Variants in TMEM131 observed in about 807,000 individuals in gnomAD.
TMEM131 encodes the protein 2610524E03Rik.
TMEM131 carries 66 observed loss-of-function variants against 211.6 expected under a neutral mutation model. That is an observed-to-expected ratio of 0.31 (90% confidence interval 0.26 to 0.38). The LOEUF is 0.38. Ranked by LOEUF, TMEM131 falls within the 10% of genes least tolerant of loss-of-function variation. The pLI is 1.00. For synonymous variants in TMEM131, 844 were observed against 841.3 expected, an observed-to-expected ratio of 1.00 and a Z score of -0.06; for missense variants, 2,036 against 2,299.3, an observed-to-expected ratio of 0.89 and a Z score of 2.34.
intron 3 of TMEM131, among the ~76,000 whole-genome samples, chr2:97,907,940 T>A (rs1000506867): frequency 6.6e-6 from 1 of 152,134 alleles, no homozygotes; most frequent in African/African-American, 2.4e-5. Flanking sequence ...TCTATGGTCC[T>A]CCGGGGAGCA....
intron 4 of TMEM131, among the ~76,000 whole-genome samples, chr2:97,869,384 A>T (rs1463420088): frequency 6.6e-6 from 1 of 152,202 alleles, no homozygotes; most frequent in Non-Finnish European, 1.5e-5. Flanking sequence ...AGAATGCTTG[A>T]TCTGCAATGC....
At chr2:97,910,892 C>G (rs764289516) in intron 2 of TMEM131, among the ~76,000 whole-genome samples, 3 of 152,058 alleles carry the variant, frequency 2.0e-5, no homozygotes, top group Non-Finnish European at 4.4e-5. Context: ...TAAACATACA[C>G]CTACCATATG....
At position 97,818,651 on chromosome 2, in the gene TMEM131, T is replaced by C; in HGVS notation, c.1145A>G (p.Glu382Gly). 2 of 1,608,396 alleles carry C rather than the reference T, an allele frequency of 1.2e-6. No individual in the cohort carries two copies. Among genetic ancestry groups the C allele is most frequent in the Non-Finnish European group, 1.7e-6 (2 of 1,176,674 alleles). Residue 382 changes from glutamate to glycine, a missense_variant, in exon 12 of 41, where the codon GAA (glutamate) becomes GGA (glycine). This residue lies in a region of TMEM131 where 277 missense variants were observed against 378.0 expected (regional missense o/e 0.73). Transcript: ENST00000186436. ...GCTTGCAACCTTGGTGTATTTACTT[T>C]CTGATGCTTTTAATGTAATTGGTTT... Reference protein sequence around the residue: ...HFKPITLKASESKYTKVASIS... With the variant: ...HFKPITLKASGSKYTKVASIS...
chr2:97,805,818 T>G (rs1217187752), intron 19 of TMEM131, 115 bp from the exon 20 acceptor site: 1 of 973,856 alleles, frequency 1.0e-6, no homozygotes, highest in Admixed American at 3.2e-5. Context: ...AAAGACATCT[T>G]AGAATGTTCA....
At chr2:97,842,352 A>C (rs1431549929) in intron 6 of TMEM131, among the ~76,000 whole-genome samples, 1 of 152,210 alleles carries the variant, frequency 6.6e-6, no homozygotes, top group African/African-American at 2.4e-5. Context: ...TAAACCAGTA[A>C]TTCAAATGAT....
Position 97,837,081 on chromosome 2 carries a change from A to G in TMEM131, c.800T>C (p.Leu267Pro). The G allele has an allele frequency of 6.2e-7, 1 of 1,612,756 alleles. No homozygotes were observed. The highest frequency in any genetic ancestry group is 8.5e-7 in the Non-Finnish European group (1 of 1,179,292). The change falls in exon 8 of 41, where the codon CTG becomes CCG. Residue 267 changes from leucine (L) to proline (P), a missense_variant. By Grantham distance (98) the Leu-to-Pro change is moderately conservative. Transcript: ENST00000186436. Reference protein sequence around the residue: ...PTGQQGGTRKLWEIPPYETKG... With the variant: ...PTGQQGGTRKPWEIPPYETKG... ...GAAAACTAGGTTACAACTCACCCAC[A>G]GTTTTCTGGTACCTCCTTGTTGACC...
At chr2:97,905,002 A>T (rs947229863) in intron 3 of TMEM131, among the ~76,000 whole-genome samples, 1 of 152,180 alleles carries the variant, frequency 6.6e-6, no homozygotes, top group African/African-American at 2.4e-5. Flanking sequence ...TTAAAATGTT[A>T]GAAATTAACA....
At chr2:97,991,179 T>G (rs1680247900) in intron 1 of TMEM131, among the ~76,000 whole-genome samples, 1 of 152,180 alleles carries the variant, frequency 6.6e-6, no homozygotes, top group Non-Finnish European at 1.5e-5. Context: ...ACTACAGATG[T>G]TGACAAAGGT....
At chr2:97,817,439 T>C (rs1681883018) in intron 12 of TMEM131, among the ~76,000 whole-genome samples, 1 of 152,106 alleles carries the variant, frequency 6.6e-6, no homozygotes, top group Non-Finnish European at 1.5e-5. Flanking sequence ...AATACAAAAA[T>C]TAGCCGCCTC....
intron 31 of TMEM131, among the ~76,000 whole-genome samples, chr2:97,785,758 C>A (rs906331687): frequency 6.6e-6 from 1 of 152,132 alleles, no homozygotes; most frequent in Non-Finnish European, 1.5e-5. Context: ...CCAAATTAGA[C>A]ATAATCCAAA....
At chr2:97,889,638 T>C (rs1342631786) in intron 3 of TMEM131, among the ~76,000 whole-genome samples, 2 of 150,802 alleles carry the variant, frequency 1.3e-5, no homozygotes, top group East Asian at 1.9e-4. Context: ...ATTAATTCCA[T>C]GGACTGTTTA....
intron 31 of TMEM131, among the ~76,000 whole-genome samples, chr2:97,779,714 T>C (rs181898892): frequency 6.6e-6 from 1 of 152,286 alleles, no homozygotes; most frequent in Admixed American, 6.5e-5. Context: ...TAATAATGTA[T>C]GGTCAATTTA....
At position 97,766,572 on chromosome 2, in the gene TMEM131, C is replaced by A; in HGVS notation, c.4479G>T (p.Leu1493Phe). The A allele has an allele frequency of 6.2e-7, 1 of 1,613,862 alleles. No homozygotes were observed. The highest frequency in any genetic ancestry group is 1.1e-5 in the South Asian group (1 of 91,072). Reference sequence around the variant, plus strand: ...GGAGATTTCTACGTTGCTTACTTTCCAAAGGGGGAGTATATGGTAGTTCTA... The same window carrying A: ...GGAGATTTCTACGTTGCTTACTTTCAAAAGGGGGAGTATATGGTAGTTCTA... Reference protein sequence around the residue: ...SSLELPYTPPLESKQRRNLPS... With the variant: ...SSLELPYTPPFESKQRRNLPS... Residue 1493 changes from leucine to phenylalanine, a missense_variant, in exon 34 of 41, where the codon TTG becomes TTT. Physicochemically the swap from Leu to Phe is conservative, Grantham distance 22. Transcript: ENST00000186436.
intron 5 of TMEM131, among the ~76,000 whole-genome samples, chr2:97,852,247 T>C (rs1673654993): frequency 6.6e-6 from 1 of 151,170 alleles, no homozygotes; most frequent in South Asian, 2.1e-4. Flanking sequence ...CTGCAATCTC[T>C]GCCTTCCAGG....
intron 18 of TMEM131, among the ~76,000 whole-genome samples, chr2:97,810,873 A>T (rs1227044484): frequency 6.6e-6 from 1 of 152,208 alleles, no homozygotes; most frequent in Non-Finnish European, 1.5e-5. Flanking sequence ...CAGGTTTCTA[A>T]CAAAGCAATT....
intron 1 of TMEM131, among the ~76,000 whole-genome samples, chr2:97,989,117 A>G (rs1299167892): frequency 2.6e-5 from 4 of 152,228 alleles, no homozygotes; most frequent in Non-Finnish European, 5.9e-5. Context: ...TTATATTTTT[A>G]TGAAAAAGCA....
intron 31 of TMEM131, among the ~76,000 whole-genome samples, chr2:97,783,952 A>G (rs572088076): frequency 6.6e-6 from 1 of 152,186 alleles, no homozygotes; most frequent in South Asian, 2.1e-4. Flanking sequence ...GCAGGTGGCT[A>G]TATTAATACT....
chr2:97,936,774 AAG>A (rs1279872347), intron 1 of TMEM131, among the ~76,000 whole-genome samples: 1 of 152,194 alleles, frequency 6.6e-6, no homozygotes, highest in Non-Finnish European at 1.5e-5. Context: ...GAGACATACA[AAG>A]AAACAAAAAA....
chr2:97,762,222 G>C, intron 35 of TMEM131, 22 bp from the exon 36 acceptor site: 1 of 1,612,714 alleles, frequency 6.2e-7, no homozygotes. Context: ...AAACAAACGG[G>C]CTCGTTAGTG....
Sources: allele counts gnomAD v4.1 joint callset (sites outside exome capture counted in the v4.1 genomes callset), GRCh38; gene constraint gnomAD v4.1.1; regional missense constraint gnomAD v4.1.1; transcripts MANE v1.5; gene names NCBI Gene and HGNC (gene_info 2026-07-23, HGNC 2026-07-21).